The following KCTD1 variants were observed in gnomAD, a reference collection of about 807,000 sequenced individuals.
The protein encoded by KCTD1 is potassium channel tetramerization domain containing 1, also known as BTB/POZ domain-containing protein KCTD1.
In KCTD1, 24 loss-of-function variants were observed where a neutral mutation model predicts 66.0. That is an observed-to-expected ratio of 0.36 (90% CI 0.26 to 0.51). The LOEUF (loss-of-function observed/expected upper bound fraction) is 0.51. Ranked by LOEUF, KCTD1 falls within the 20% of genes least tolerant of loss-of-function variation. The pLI, the probability that KCTD1 is intolerant of heterozygous loss-of-function variation, is 0.95. For missense variants in KCTD1, 943 were observed against 1,205.2 expected (o/e 0.78, Z 3.22); for synonymous variants, 511 against 517.2 (o/e 0.99, Z 0.16).
intron 1 of KCTD1, among the ~76,000 whole-genome samples, chr18:26,572,862 G>GA (rs1360714557): frequency 1.3e-5 from 2 of 152,154 alleles, no homozygotes; most frequent in African/African-American, 4.8e-5. Flanking sequence ...AAAAATGCTG[G>GA]AAAAACCCAA....
chr18:26,652,174 T>C (rs989870293), intron 1 of KCTD1, among the ~76,000 whole-genome samples: 9 of 152,212 alleles, frequency 5.9e-5, no homozygotes, highest in African/African-American at 2.2e-4. Context: ...ATACTACTTA[T>C]ATGCACTTCA....
intron 1 of KCTD1, among the ~76,000 whole-genome samples, chr18:26,627,438 C>A (rs1987527599): frequency 1.3e-5 from 2 of 152,006 alleles, no homozygotes; most frequent in Admixed American, 1.3e-4. Context: ...ATTGTGGGGT[C>A]AAAAATATCA....
intron 1 of KCTD1, among the ~76,000 whole-genome samples, chr18:26,628,573 TAA>T (rs577338469): frequency 4.1e-5 from 6 of 145,018 alleles, no homozygotes; most frequent in Non-Finnish European, 6.1e-5. Flanking sequence ...AATAAAATAG[TAA>T]AAAAAAAAAA....
At chr18:26,492,778 C>CA (rs1390838103) in intron 2 of KCTD1, among the ~76,000 whole-genome samples, 1 of 152,112 alleles carries the variant, frequency 6.6e-6, no homozygotes, top group East Asian at 1.9e-4. Context: ...CTTAACCTCT[C>CA]AGAGTTTCAG....
upstream of KCTD1, among the ~76,000 whole-genome samples, chr18:26,630,158 GCTGGTGCCTTC>G (rs1987586467): frequency 6.6e-6 from 1 of 152,192 alleles, no homozygotes; most frequent in African/African-American, 2.4e-5. Context: ...GGGTAAAACT[GCTGGTGCCTTC>G]CTGCTAATAC....
chr18:26,464,749 A>T (rs375409020), intron 3 of KCTD1, among the ~76,000 whole-genome samples: 2 of 151,978 alleles, frequency 1.3e-5, no homozygotes, highest in Non-Finnish European at 2.9e-5. Context: ...AGCTCTCCTC[A>T]CCCCCAGGCT....
chr18:26,515,976 C>A (rs1435078697), intron 1 of KCTD1, among the ~76,000 whole-genome samples: 1 of 152,058 alleles, frequency 6.6e-6, no homozygotes, highest in East Asian at 1.9e-4. Flanking sequence ...AATGCCAAGA[C>A]AATGACAGGG....
chr18:26,462,263 C>G (rs1419752027), intron 3 of KCTD1, among the ~76,000 whole-genome samples: 1 of 152,230 alleles, frequency 6.6e-6, no homozygotes, highest in Non-Finnish European at 1.5e-5. Context: ...AGTGACCACT[C>G]TGGGATCCTG....
intron 1 of KCTD1, among the ~76,000 whole-genome samples, chr18:26,617,972 C>G (rs1180804141): frequency 6.6e-6 from 1 of 151,242 alleles, no homozygotes; most frequent in African/African-American, 2.4e-5. Flanking sequence ...AACTTTGAAG[C>G]TATAACAGTA....
chr18:26,628,309 T>C (rs1175200587), intron 1 of KCTD1, among the ~76,000 whole-genome samples: 2 of 152,224 alleles, frequency 1.3e-5, no homozygotes, highest in Non-Finnish European at 1.5e-5. Flanking sequence ...GGTAAGATAT[T>C]AATGCATCTA....
intron 1 of KCTD1, among the ~76,000 whole-genome samples, chr18:26,521,986 A>G (rs562664329): frequency 5.3e-5 from 8 of 151,652 alleles, no homozygotes; most frequent in African/African-American, 1.5e-4. Context: ...AGGTGACTGG[A>G]AAAAAAAAGT....
chr18:26,530,491 C>G (rs1307205657), intron 1 of KCTD1, among the ~76,000 whole-genome samples: 2 of 152,210 alleles, frequency 1.3e-5, no homozygotes, highest in African/African-American at 4.8e-5. Context: ...GCAAGTCCAT[C>G]TTGGTCCTAT....
At chr18:26,473,619 T>C (rs1026103345) in intron 3 of KCTD1, among the ~76,000 whole-genome samples, 6 of 151,830 alleles carry the variant, frequency 4.0e-5, no homozygotes, top group Non-Finnish European at 7.4e-5. Flanking sequence ...CACTCCTCAA[T>C]ATGCTTCCTT....
At chr18:26,549,849 A>T (rs1174644431), upstream of KCTD1, 1 of 971,858 alleles carries the variant, frequency 1.0e-6, no homozygotes, top group East Asian at 1.1e-4. Flanking sequence ...GCTTTCCCAT[A>T]GGAGACACTG....
intron 3 of KCTD1, among the ~76,000 whole-genome samples, chr18:26,471,241 T>C (rs1455931362): frequency 1.3e-5 from 2 of 151,892 alleles, no homozygotes; most frequent in Non-Finnish European, 2.9e-5. Context: ...GTCTGACAGG[T>C]TGGTGATGAC....
At position 26,548,267 on chromosome 18, in the gene KCTD1, CTCCTCG is replaced by C. The variant is rs1267368399; in HGVS notation, c.264_269del (p.Asp88_Glu89del). The C allele has an allele frequency of 1.3e-6, 2 of 1,514,302 alleles. No individual in the cohort carries two copies. Among genetic ancestry groups the C allele is most frequent in the South Asian group, 1.2e-5 (1 of 81,192 alleles). 93.8% of individuals were successfully genotyped at this position (1,514,302 alleles called of 1,614,324 possible). A position where few individuals can be genotyped will look rare whatever the true frequency, so the allele number is the denominator to read the frequency against. ...GCCCCATCTCCTCCTCTTCCTCCTC[CTCCTCG>C]TCCTCCTCCAGCCCCCCACCTCCGT... On this transcript the variant is annotated inframe_deletion, in exon 1 of 5. Coordinates refer to ENST00000580059, the MANE Select transcript of KCTD1 (RefSeq NM_001142730.3).
chr18:26,499,725 A>G (rs1982657178), intron 2 of KCTD1, among the ~76,000 whole-genome samples: 2 of 152,228 alleles, frequency 1.3e-5, no homozygotes, highest in East Asian at 3.8e-4. Context: ...GCTATCTGTT[A>G]TCTGTCACTT....
chr18:26,509,468 C>T (rs1983225769), intron 1 of KCTD1, among the ~76,000 whole-genome samples: 1 of 151,954 alleles, frequency 6.6e-6, no homozygotes, highest in South Asian at 2.1e-4. Context: ...TATATCTATA[C>T]AATGCTCAAA....
At position 26,547,853 on chromosome 18, in the gene KCTD1, G is replaced by A; in HGVS notation, c.684C>T (p.Leu228=). 1.3e-6 allele frequency: 2 copies of A among 1,542,018 alleles called. No individual in the cohort carries two copies. Among genetic ancestry groups the A allele is most frequent in the Non-Finnish European group, 1.7e-6 (2 of 1,146,844 alleles). ...GGTTGAGGGAGCTGCGGATGCTGAT[G>A]AGCGACGACTTGCTGTAGAGCTGGC... ...KSGQLYSKSS[L]ISIRSSLNRY... The change falls in exon 1 of 5, where the codon CTC becomes CTT. Residue 228 remains leucine (L), a synonymous_variant. Coordinates refer to ENST00000580059, the MANE Select transcript of KCTD1 (RefSeq NM_001142730.3).
Sources: allele counts gnomAD v4.1 joint callset (sites outside exome capture counted in the v4.1 genomes callset), GRCh38; gene constraint gnomAD v4.1.1; transcripts MANE v1.5; gene names NCBI Gene and HGNC (gene_info 2026-07-23, HGNC 2026-07-21).